Variants in OCA2 observed in about 807,000 individuals in gnomAD.
OCA2 encodes the protein OCA2 melanosomal transmembrane protein.
In OCA2, 77 loss-of-function variants were observed where a neutral mutation model predicts 100.2. The ratio of observed to expected loss-of-function variants is 0.77; its 90% CI spans 0.64 to 0.93. The LOEUF is 0.93. Ranked by LOEUF, OCA2 falls within the 40% of genes least tolerant of loss-of-function variation. OCA2 has a pLI of 0.00. For synonymous variants in OCA2, 432 were observed against 439.2 expected (o/e 0.98, Z 0.21); for missense variants, 1,062 against 1,089.1 (o/e 0.98, Z 0.35).
At chr15:27,940,733 G>T (rs1208164641) in intron 18 of OCA2, among the ~76,000 whole-genome samples, 3 of 152,224 alleles carry the variant, frequency 2.0e-5, no homozygotes, top group African/African-American at 7.2e-5. Context: ...AGTCATGTTT[G>T]CAGTTGTTCA....
chr15:27,966,960 T>C, intron 14 of OCA2, 138 bp from the exon 15 acceptor site: 3 of 996,500 alleles, frequency 3.0e-6, no homozygotes, highest in African/African-American at 1.6e-5. Context: ...AAAACCTGTC[T>C]CTACTAAAAA....
chr15:27,868,045 T>A (rs1163265245), intron 21 of OCA2, among the ~76,000 whole-genome samples: 1 of 152,108 alleles, frequency 6.6e-6, no homozygotes, highest in African/African-American at 2.4e-5. Flanking sequence ...CTGGCTCCTG[T>A]GTGTCAGCAG....
chr15:27,824,602 C>CTATATATATA (rs142689690), intron 23 of OCA2, among the ~76,000 whole-genome samples: 19 of 47,516 alleles, frequency 4.0e-4, no homozygotes, highest in East Asian at 0.019. Context: ...CTCTCTCTCT[C>CTATATATATA]TATATATATA....
At chr15:27,955,699 G>A (rs368760444) in intron 16 of OCA2, among the ~76,000 whole-genome samples, 1 of 147,130 alleles carries the variant, frequency 6.8e-6, no homozygotes, top group Non-Finnish European at 1.5e-5. Flanking sequence ...TCACTTCCAC[G>A]CCTGAAATCC....
chr15:28,065,215 G>C (rs11853039), intron 2 of OCA2, among the ~76,000 whole-genome samples: 2,808 of 152,066 alleles, frequency 0.018, 91 homozygotes, highest in African/African-American at 0.064. Context: ...TGAAAGTTTA[G>C]GGTTTTCTAT....
intron 9 of OCA2, among the ~76,000 whole-genome samples, chr15:28,004,466 G>A (rs993881051): frequency 1.6e-4 from 25 of 152,162 alleles, no homozygotes; most frequent in African/African-American, 5.6e-4. Context: ...CACCCGGACC[G>A]TCTGGCACAC....
At chr15:27,961,659 T>G (rs993890177) in intron 15 of OCA2, among the ~76,000 whole-genome samples, 7 of 152,130 alleles carry the variant, frequency 4.6e-5, no homozygotes, top group African/African-American at 1.7e-4. Flanking sequence ...GGACATGGAT[T>G]AAGCTGGAAA....
the OCA2 span, among the ~76,000 whole-genome samples, chr15:27,724,946 T>C: frequency 7.9e-5 from 12 of 152,080 alleles, no homozygotes; most frequent in Admixed American, 7.9e-4. Context: ...TGCCTAGAGT[T>C]CTGTGAAAAA....
intron 21 of OCA2, among the ~76,000 whole-genome samples, chr15:27,863,728 G>A (rs1306213835): frequency 1.3e-5 from 2 of 152,020 alleles, no homozygotes; most frequent in Non-Finnish European, 2.9e-5. Flanking sequence ...CTTTTGTTCT[G>A]TACCTGCACA....
chr15:27,816,965 T>G (rs1454859592), intron 23 of OCA2, among the ~76,000 whole-genome samples: 1 of 152,130 alleles, frequency 6.6e-6, no homozygotes, highest in Non-Finnish European at 1.5e-5. Context: ...TCCCTTCCCC[T>G]ATGTCTCCGC....
intron 4 of OCA2, among the ~76,000 whole-genome samples, chr15:28,025,827 AT>A (rs1343345384): frequency 6.6e-6 from 1 of 152,268 alleles, no homozygotes; most frequent in East Asian, 1.9e-4. Context: ...AAGAAACTCT[AT>A]GTTGGAACAT....
intron 1 of OCA2, among the ~76,000 whole-genome samples, chr15:28,085,154 A>G (rs2044756031): frequency 6.6e-6 from 1 of 152,086 alleles, no homozygotes; most frequent in African/African-American, 2.4e-5. Context: ...ATGACATCAT[A>G]TTAGGAACCC....
At position 27,784,239 on chromosome 15, in the gene OCA2, C is replaced by T. The variant is rs556627045; in HGVS notation, c.2433-28767G>A. Among the ~76,000 whole-genome samples the T allele has an allele frequency of 7.2e-5, 11 of 152,298 alleles. No homozygotes were observed. The South Asian group carries it at 1.7e-3, about 23-fold the overall frequency. The stretch of plus-strand genomic sequence containing the variant: ...GACGGAAAACACATTGGTAAAAATG[C>T]TCAGGCAAACCGGTTCCACCCTGAA... On this transcript the variant is annotated intron_variant, in intron 23 of 23. Transcript: ENST00000354638.
At chr15:28,032,300 C>T in intron 2 of OCA2, 137 bp from the exon 3 acceptor site, 1 of 739,240 alleles carries the variant, frequency 1.4e-6, no homozygotes, top group Non-Finnish European at 2.4e-6. Flanking sequence ...AAGGGTCTGT[C>T]TGAATTGTAA....
chr15:28,020,971 G>A (rs2042575971), intron 6 of OCA2, among the ~76,000 whole-genome samples: 1 of 152,142 alleles, frequency 6.6e-6, no homozygotes, highest in South Asian at 2.1e-4. Context: ...ACTGCCAGAA[G>A]GACTACAAAA....
intron 2 of OCA2, among the ~76,000 whole-genome samples, chr15:28,069,360 C>G (rs540261405): frequency 1.0e-4 from 1 of 9,542 alleles, no homozygotes; most frequent in African/African-American, 7.8e-4. Flanking sequence ...CACCTGCCCT[C>G]TCCCTCTCCC....
chr15:27,896,828 C>T (rs1373880658), intron 19 of OCA2, among the ~76,000 whole-genome samples: 1 of 152,082 alleles, frequency 6.6e-6, no homozygotes, highest in Non-Finnish European at 1.5e-5. Flanking sequence ...CAGAAATTTG[C>T]ATAAGTAATG....
At chr15:28,048,466 G>A (rs990177960) in intron 2 of OCA2, among the ~76,000 whole-genome samples, 1 of 152,138 alleles carries the variant, frequency 6.6e-6, no homozygotes, top group African/African-American at 2.4e-5. Context: ...TCAACAATTG[G>A]TGCTGGGATA....
At chr15:27,796,373 G>A (rs2033334594) in intron 23 of OCA2, among the ~76,000 whole-genome samples, 1 of 152,272 alleles carries the variant, frequency 6.6e-6, no homozygotes, top group Admixed American at 6.5e-5. Flanking sequence ...GTCCCACGTG[G>A]ACACCAGCAC....
Sources: gnomAD v4.1 joint callset for allele counts (sites outside exome capture counted in the v4.1 genomes callset) on GRCh38, gnomAD v4.1.1 for gene constraint, MANE v1.5 for transcripts, NCBI Gene and HGNC (gene_info 2026-07-23, HGNC 2026-07-21) for gene names.